Variants in DENND1A observed in about 807,000 individuals in gnomAD.
The protein encoded by DENND1A is DENN domain-containing protein 1A.
DENND1A carries 51 observed loss-of-function variants against 113.7 expected under a neutral mutation model. That is an observed-to-expected ratio of 0.45 (90% CI 0.36 to 0.57). DENND1A has a LOEUF of 0.57. Ranked by LOEUF, DENND1A falls within the 20% of genes least tolerant of loss-of-function variation. The pLI is 0.00. For synonymous variants in DENND1A, 565 were observed against 570.8 expected (o/e 0.99, Z 0.14); for missense variants, 1,258 against 1,395.9 (o/e 0.90, Z 1.57).
intron 10 of DENND1A, among the ~76,000 whole-genome samples, chr9:123,622,241 G>C (rs2060999203): frequency 6.6e-6 from 1 of 152,308 alleles, no homozygotes; most frequent in Middle Eastern, 3.4e-3. Flanking sequence ...GTCTTGATCT[G>C]CTTTGAAAAT....
intron 11 of DENND1A, among the ~76,000 whole-genome samples, chr9:123,592,667 G>C (rs1249891416): frequency 6.6e-6 from 1 of 152,134 alleles, no homozygotes; most frequent in African/African-American, 2.4e-5. Context: ...TGTTGGTTTG[G>C]ATTTATTTTA....
At chr9:123,550,762 TTC>T (rs1238989925) in intron 13 of DENND1A, among the ~76,000 whole-genome samples, 1 of 152,220 alleles carries the variant, frequency 6.6e-6, no homozygotes, top group African/African-American at 2.4e-5. Context: ...AATTCTTTCG[TTC>T]TCTCTAGGAA....
At chr9:123,880,068 AG>A (rs1303223409) in intron 1 of DENND1A, among the ~76,000 whole-genome samples, 4 of 152,234 alleles carry the variant, frequency 2.6e-5, no homozygotes, top group Non-Finnish European at 5.9e-5. Context: ...GCTGAAGTGC[AG>A]TGGCACAATC....
intron 5 of DENND1A, among the ~76,000 whole-genome samples, chr9:123,699,007 G>T (rs959113001): frequency 1.3e-5 from 2 of 151,998 alleles, no homozygotes; most frequent in African/African-American, 4.8e-5. Context: ...TGGAATAAAA[G>T]ACAATTAATT....
chr9:123,711,456 G>A (rs60797185), intron 5 of DENND1A, among the ~76,000 whole-genome samples: 20,772 of 136,282 alleles, frequency 0.15, 1,817 homozygotes, highest in African/African-American at 0.25. Context: ...ACAGAAGGAG[G>A]CTCCATCTCA....
chr9:123,781,203 G>A (rs1419139950), intron 3 of DENND1A, among the ~76,000 whole-genome samples: 1 of 152,178 alleles, frequency 6.6e-6, no homozygotes, highest in African/African-American at 2.4e-5. Flanking sequence ...CCTTAGGGTA[G>A]GGTAACCTCA....
At chr9:123,895,693 AG>A (rs1333936910) in intron 1 of DENND1A, among the ~76,000 whole-genome samples, 1 of 152,094 alleles carries the variant, frequency 6.6e-6, no homozygotes, top group African/African-American at 2.4e-5. Context: ...GAAACCTAAC[AG>A]GGTTACCAAA....
chr9:123,702,295 T>G (rs1237223860), intron 5 of DENND1A, among the ~76,000 whole-genome samples: 1 of 152,054 alleles, frequency 6.6e-6, no homozygotes, highest in Admixed American at 6.5e-5. Context: ...GAAGAAAGCT[T>G]ATGAGATTTA....
intron 9 of DENND1A, among the ~76,000 whole-genome samples, chr9:123,641,807 TC>T (rs1326022324): frequency 6.6e-6 from 1 of 152,202 alleles, no homozygotes; most frequent in African/African-American, 2.4e-5. Flanking sequence ...GTATCAATCA[TC>T]CGGGGAACCT....
At chr9:123,495,232 C>T (rs907369064) in intron 13 of DENND1A, among the ~76,000 whole-genome samples, 8 of 151,234 alleles carry the variant, frequency 5.3e-5, no homozygotes, top group Non-Finnish European at 8.8e-5. Flanking sequence ...ATGCCTTATT[C>T]ACCTCTTTAT....
intron 4 of DENND1A, among the ~76,000 whole-genome samples, chr9:123,762,313 C>A (rs931512515): frequency 1.7e-4 from 26 of 152,242 alleles, no homozygotes; most frequent in African/African-American, 5.1e-4. Flanking sequence ...CTTGTAGCTT[C>A]CCGTGCCTAG....
intron 2 of DENND1A, among the ~76,000 whole-genome samples, chr9:123,830,458 G>A (rs1368590390): frequency 1.3e-5 from 2 of 151,998 alleles, no homozygotes; most frequent in African/African-American, 4.8e-5. Context: ...GTATGCTTAA[G>A]ATTTGTTCAT....
At chr9:123,844,598 T>C (rs1046938849) in intron 2 of DENND1A, among the ~76,000 whole-genome samples, 2 of 152,194 alleles carry the variant, frequency 1.3e-5, no homozygotes, top group Non-Finnish European at 2.9e-5. Context: ...AAAGATATCC[T>C]ATATTCATGG....
intron 9 of DENND1A, among the ~76,000 whole-genome samples, chr9:123,635,097 T>TC (rs2061640945): frequency 6.7e-6 from 1 of 149,330 alleles, no homozygotes; most frequent in Admixed American, 6.7e-5. Flanking sequence ...ATTTTTTTTT[T>TC]CAGTCATTTC....
intron 8 of DENND1A, among the ~76,000 whole-genome samples, chr9:123,664,418 AACT>A (rs1467204614): frequency 6.6e-6 from 1 of 152,052 alleles, no homozygotes. Flanking sequence ...AGTTTTTAAA[AACT>A]ACTATTTTTC....
rs1381860271 is a variant in DENND1A, at chr9:123,764,827, G to A, written c.182+4687C>T. ...GTCACTTGCCTCACAGCACAGAGCA[G>A]GGCAGTGGTAAAACCAAAACCAAAA... On this transcript the variant is annotated intron_variant, in intron 4 of 23. Coordinates refer to ENST00000394215, the MANE Select transcript of DENND1A (RefSeq NM_001352964.2). The surrounding 1 kb of genome is among the most constrained non-coding windows in gnomAD (Gnocchi z 4.1). Among the ~76,000 whole-genome samples the A allele has an allele frequency of 1.3e-5, 2 of 152,226 alleles. No individual in the cohort carries two copies. The highest frequency in any genetic ancestry group is 4.8e-5 in the African/African-American group (2 of 41,466).
At chr9:123,697,696 T>A (rs1403289178) in intron 5 of DENND1A, among the ~76,000 whole-genome samples, 4 of 151,914 alleles carry the variant, frequency 2.6e-5, no homozygotes, top group African/African-American at 9.7e-5. Context: ...TCCTCCCCCT[T>A]CCCCCACTTC....
chr9:123,815,993 CTTTTTTTTTTT>C (rs1170659580), intron 2 of DENND1A, among the ~76,000 whole-genome samples: 2 of 79,778 alleles, frequency 2.5e-5, no homozygotes, highest in East Asian at 3.4e-4. Context: ...AGTGACTGTA[CTTTTTTTTTTT>C]TTTTTTTTTT....
At chr9:123,832,729 T>C (rs1180907189) in intron 2 of DENND1A, among the ~76,000 whole-genome samples, 1 of 152,156 alleles carries the variant, frequency 6.6e-6, no homozygotes, top group African/African-American at 2.4e-5. Context: ...ACAAATACAA[T>C]TGTTGAGCAA....
Sources: gnomAD v4.1 joint callset for allele counts (sites outside exome capture counted in the v4.1 genomes callset) on GRCh38, gnomAD v4.1.1 for gene constraint, Gnocchi (gnomAD v3.1) non-coding constraint, MANE v1.5 for transcripts, NCBI Gene and HGNC (gene_info 2026-07-23, HGNC 2026-07-21) for gene names.